Variants in DLG2 observed in about 807,000 individuals in gnomAD.
DLG2 encodes the protein disks large homolog 2.
In DLG2, 45 loss-of-function variants were observed where a neutral mutation model predicts 132.5. That is an observed-to-expected ratio of 0.34 (90% CI 0.27 to 0.44). The LOEUF (loss-of-function observed/expected upper bound fraction) is 0.44, where lower values mean the gene tolerates loss of function less well. Ranked by LOEUF, DLG2 falls within the 20% of genes least tolerant of loss-of-function variation. The pLI is 1.00. For missense variants in DLG2, 1,045 were observed against 1,196.9 expected, an observed-to-expected ratio of 0.87 and a Z score of 1.87; for synonymous variants, 424 against 419.6, an observed-to-expected ratio of 1.01 and a Z score of -0.13.
intron 8 of DLG2, among the ~76,000 whole-genome samples, chr11:84,190,332 G>T (rs550935665): frequency 6.6e-5 from 10 of 152,238 alleles, no homozygotes; most frequent in Non-Finnish European, 1.0e-4. Context: ...ACTAGAAAAG[G>T]TTACAAAGTT....
intron 25 of DLG2, 137 bp from the exon 26 acceptor site, chr11:83,466,954 A>G: frequency 1.7e-6 from 1 of 594,642 alleles, no homozygotes; most frequent in Non-Finnish European, 3.0e-6. Flanking sequence ...GATCACTGCA[A>G]AGAGTAAATA....
rs113059532 is a variant in DLG2 at position 85,273,739 on chromosome 11, A to G, written c.186+11481T>C. ...AGAACTAGAAATACCATTTGACCCA[A>G]CCATCCCATTACTGGGTATATACCC... On this transcript the variant is annotated intron_variant, in intron 4 of 27. Coordinates refer to ENST00000376104, the MANE Select transcript of DLG2 (RefSeq NM_001142699.3). 7.9e-5 allele frequency among the ~76,000 whole-genome samples: 12 copies of G among 152,274 alleles called. No homozygotes were observed. In the South Asian group the frequency reaches 2.1e-3, roughly 26 times the overall value.
At chr11:84,873,378 T>G (rs572568858) in intron 6 of DLG2, among the ~76,000 whole-genome samples, 3 of 152,356 alleles carry the variant, frequency 2.0e-5, no homozygotes, top group South Asian at 4.1e-4. Flanking sequence ...AACACAGCCC[T>G]GCTGGCACCT....
chr11:84,820,019 G>A (rs1311555479), intron 6 of DLG2, among the ~76,000 whole-genome samples: 1 of 150,066 alleles, frequency 6.7e-6, no homozygotes, highest in Non-Finnish European at 1.5e-5. Context: ...GGGTTTCCAG[G>A]CCAGAGCAGC....
At chr11:84,122,109 T>C (rs1304403898) in intron 9 of DLG2, among the ~76,000 whole-genome samples, 6 of 151,498 alleles carry the variant, frequency 4.0e-5, no homozygotes, top group African/African-American at 1.5e-4. Flanking sequence ...TCACCTGAGG[T>C]TGGGAGTTTG....
At chr11:84,610,633 G>T (rs1429401508) in intron 6 of DLG2, among the ~76,000 whole-genome samples, 1 of 152,104 alleles carries the variant, frequency 6.6e-6, no homozygotes, top group African/African-American at 2.4e-5. Flanking sequence ...CCCTCCCCTG[G>T]CCTGGCCTCC....
intron 6 of DLG2, among the ~76,000 whole-genome samples, chr11:84,600,342 C>A (rs1046560026): frequency 1.4e-4 from 22 of 152,038 alleles, no homozygotes; most frequent in African/African-American, 5.1e-4. Context: ...AGCCATCATA[C>A]CATCAATGAA....
At chr11:84,179,163 A>G (rs936385699) in intron 8 of DLG2, among the ~76,000 whole-genome samples, 2 of 152,204 alleles carry the variant, frequency 1.3e-5, no homozygotes, top group Admixed American at 6.6e-5. Context: ...AGAAATAGAA[A>G]TTATAAATCA....
chr11:85,381,030 A>C (rs542735456), intron 3 of DLG2, among the ~76,000 whole-genome samples: 1 of 152,218 alleles, frequency 6.6e-6, no homozygotes, highest in Non-Finnish European at 1.5e-5. Context: ...GGTAAAAATG[A>C]ATATTTCTCT....
chr11:83,516,823 T>A, intron 21 of DLG2, among the ~76,000 whole-genome samples: 1 of 152,194 alleles, frequency 6.6e-6, no homozygotes, highest in Non-Finnish European at 1.5e-5. Context: ...GGTTGAAAAT[T>A]CTTTTCTTTA....
At chr11:84,288,375 T>A (rs1039128008) in intron 7 of DLG2, among the ~76,000 whole-genome samples, 2 of 152,042 alleles carry the variant, frequency 1.3e-5, no homozygotes, top group African/African-American at 4.8e-5. Flanking sequence ...GGGACAAGTA[T>A]AGAAGGCCTC....
rs1389063424 is a variant in DLG2, at chr11:84,089,610, C to T, written c.749+9313G>A. Among the ~76,000 whole-genome samples, 4 of 152,180 alleles carry T rather than the reference C, an allele frequency of 2.6e-5. No homozygotes were observed. In the East Asian group the frequency reaches 7.7e-4, roughly 29 times the overall value. On this transcript the variant is annotated intron_variant, in intron 10 of 27. Transcript: ENST00000376104. ...CAGTACAGTCAAACCTCAGTATAAT[C>T]ATTATTCTTGTTTGAAATAAACATG...
intron 14 of DLG2, among the ~76,000 whole-genome samples, chr11:83,956,092 C>A (rs2086752493): frequency 6.6e-6 from 1 of 152,174 alleles, no homozygotes; most frequent in African/African-American, 2.4e-5. Context: ...CTGACTACAG[C>A]CTGACTTCAG....
intron 7 of DLG2, among the ~76,000 whole-genome samples, chr11:84,362,976 G>A (rs1267371729): frequency 6.6e-6 from 1 of 151,916 alleles, no homozygotes. Context: ...ACATACATGT[G>A]CATGTGTCTT....
At chr11:83,731,024 G>C (rs1186027932) in intron 18 of DLG2, among the ~76,000 whole-genome samples, 1 of 152,170 alleles carries the variant, frequency 6.6e-6, no homozygotes, top group East Asian at 1.9e-4. Flanking sequence ...TAGTGGTTAT[G>C]AGTTTATTCT....
intron 9 of DLG2, among the ~76,000 whole-genome samples, chr11:84,122,047 G>A (rs568275251): frequency 6.6e-6 from 1 of 151,858 alleles, no homozygotes; most frequent in Admixed American, 6.6e-5. Context: ...TGGGCTGGGT[G>A]CGGTGGCTCA....
intron 7 of DLG2, chr11:84,317,449 T>C: frequency 1.1e-6 from 1 of 941,978 alleles, no homozygotes; most frequent in Non-Finnish European, 1.4e-6. Context: ...TACAAGACTG[T>C]ACACTGTGTT....
chr11:84,399,094 T>G (rs1381744498), intron 7 of DLG2, among the ~76,000 whole-genome samples: 3 of 152,190 alleles, frequency 2.0e-5, no homozygotes, highest in African/African-American at 7.2e-5. Context: ...GTGTCTTTCA[T>G]GAGGTACACA....
rs562955055 is a variant in DLG2, at chr11:84,894,568, C to A, written c.357+217093G>T. ...GGCTTTCATTAAATAAGAAAAAGAA[C>A]TCTACATTCTTGTTCCAGTGAAGAC... On this transcript the variant is annotated intron_variant, in intron 6 of 27. Transcript: ENST00000376104. 2.6e-5 allele frequency among the ~76,000 whole-genome samples: 4 copies of A among 152,088 alleles called. No individual in the cohort carries two copies. The South Asian group carries it at 8.3e-4, about 32-fold the overall frequency.
Sources: allele counts gnomAD v4.1 joint callset (sites outside exome capture counted in the v4.1 genomes callset), GRCh38; gene constraint gnomAD v4.1.1; transcripts MANE v1.5; gene names NCBI Gene and HGNC (gene_info 2026-07-23, HGNC 2026-07-21).